The following SLC24A3 variants were observed in gnomAD, a reference collection of about 807,000 sequenced individuals.
SLC24A3 encodes sodium/potassium/calcium exchanger 3.
A neutral mutation model predicts 75.8 loss-of-function variants in SLC24A3; 28 were observed. The observed-to-expected ratio is 0.37, with a 90% CI of 0.27 to 0.51. The LOEUF is 0.51. Ranked by LOEUF, SLC24A3 falls within the 20% of genes least tolerant of loss-of-function variation. SLC24A3 has a pLI of 0.94. For missense variants in SLC24A3, 663 were observed against 847.8 expected (o/e 0.78, Z 2.71); for synonymous variants, 372 against 334.1 (o/e 1.11, Z -1.24).
chr20:19,688,777 G>T (rs1422752209), intron 12 of SLC24A3, among the ~76,000 whole-genome samples: 2 of 152,194 alleles, frequency 1.3e-5, no homozygotes, highest in African/African-American at 4.8e-5. Context: ...AATTATTTAG[G>T]AGTATGTGAA....
At chr20:19,505,863 G>A (rs1988455396) in intron 2 of SLC24A3, among the ~76,000 whole-genome samples, 1 of 152,188 alleles carries the variant, frequency 6.6e-6, no homozygotes, top group Admixed American at 6.5e-5. Flanking sequence ...TAGTACAAAA[G>A]ACATAGGGCC....
chr20:19,478,629 G>A (rs996882868), intron 2 of SLC24A3, among the ~76,000 whole-genome samples: 1 of 152,156 alleles, frequency 6.6e-6, no homozygotes, highest in South Asian at 2.1e-4. Flanking sequence ...CCTTTTGGGG[G>A]AAGGGTGAGC....
intron 2 of SLC24A3, among the ~76,000 whole-genome samples, chr20:19,463,861 C>T (rs769254606): frequency 6.6e-6 from 1 of 152,218 alleles, no homozygotes; most frequent in Non-Finnish European, 1.5e-5. Context: ...CTCTCCTTGT[C>T]ACCTACAGGG....
intron 13 of SLC24A3, 51 bp from the exon 14 acceptor site, chr20:19,696,746 G>C (rs769019119): frequency 2.3e-6 from 3 of 1,289,308 alleles, no homozygotes; most frequent in Admixed American, 1.7e-5. Context: ...ATCATGGGCA[G>C]GTGGGGCTTG....
At chr20:19,422,536 GT>G (rs1287864145) in intron 2 of SLC24A3, among the ~76,000 whole-genome samples, 8 of 152,156 alleles carry the variant, frequency 5.3e-5, no homozygotes, top group Non-Finnish European at 8.8e-5. Context: ...ATCTTCTGTA[GT>G]TTTGTTGAAA....
At chr20:19,357,763 G>T (rs1190037699) in intron 2 of SLC24A3, among the ~76,000 whole-genome samples, 1 of 152,218 alleles carries the variant, frequency 6.6e-6, no homozygotes, top group Non-Finnish European at 1.5e-5. Flanking sequence ...CTTGCCTCTT[G>T]GGTGAGAGAC....
At chr20:19,593,708 A>G (rs937701733) in intron 6 of SLC24A3, among the ~76,000 whole-genome samples, 1 of 152,204 alleles carries the variant, frequency 6.6e-6, no homozygotes, top group African/African-American at 2.4e-5. Flanking sequence ...TCCCAGAGTC[A>G]GCTTAGACCA....
intron 2 of SLC24A3, among the ~76,000 whole-genome samples, chr20:19,295,917 G>A (rs151034031): frequency 0.02 from 3,061 of 152,198 alleles, 42 homozygotes; most frequent in African/African-American, 0.031. Context: ...GTTTGGAATA[G>A]TTTCAGAAGA....
At chr20:19,346,216 G>GTA (rs373651313) in intron 2 of SLC24A3, among the ~76,000 whole-genome samples, 2 of 81,998 alleles carry the variant, frequency 2.4e-5, no homozygotes, top group East Asian at 3.0e-4. Context: ...TATATATGGT[G>GTA]TATATGTATA....
chr20:19,593,575 A>G (rs1367337697), intron 6 of SLC24A3, among the ~76,000 whole-genome samples: 1 of 152,238 alleles, frequency 6.6e-6, no homozygotes, highest in Admixed American at 6.5e-5. Context: ...AGAGGAAACC[A>G]AGGCTCAGAG....
At chr20:19,271,377 A>C (rs1316911713) in intron 1 of SLC24A3, among the ~76,000 whole-genome samples, 1 of 152,218 alleles carries the variant, frequency 6.6e-6, no homozygotes, top group Non-Finnish European at 1.5e-5. Flanking sequence ...GAACACTTCT[A>C]CACTGCTGGT....
chr20:19,472,063 G>T (rs1409019607), intron 2 of SLC24A3, among the ~76,000 whole-genome samples: 1 of 152,150 alleles, frequency 6.6e-6, no homozygotes, highest in African/African-American at 2.4e-5. Flanking sequence ...AATTCCTGTT[G>T]TGTAGAGCAG....
intron 2 of SLC24A3, among the ~76,000 whole-genome samples, chr20:19,485,541 G>A (rs1260223153): frequency 6.6e-6 from 1 of 152,198 alleles, no homozygotes; most frequent in East Asian, 1.9e-4. Context: ...GGCGACTGGG[G>A]ACTTCATTCC....
Position 19,510,215 on chromosome 20 carries a change from A to C in SLC24A3, c.272-5273A>C, listed in dbSNP as rs567407587. The stretch of plus-strand genomic sequence containing the variant: ...ATGCCCTTTGCAAATGAATCAAAGA[A>C]GCTTCTAACATGGTGGAACAGGATA... On this transcript the variant is annotated intron_variant, in intron 2 of 16. Transcript: ENST00000328041. Among the ~76,000 whole-genome samples, 9 of 152,336 alleles carry C rather than the reference A, an allele frequency of 5.9e-5. No individual in the cohort carries two copies. The South Asian group carries it at 1.9e-3, about 32-fold the overall frequency.
At chr20:19,372,379 C>T (rs1986007764) in intron 2 of SLC24A3, among the ~76,000 whole-genome samples, 1 of 152,214 alleles carries the variant, frequency 6.6e-6, no homozygotes, top group East Asian at 1.9e-4. Flanking sequence ...ACATCCACAG[C>T]TCACTGATGC....
chr20:19,436,971 G>A (rs904323740), intron 2 of SLC24A3, among the ~76,000 whole-genome samples: 4 of 152,206 alleles, frequency 2.6e-5, no homozygotes, highest in East Asian at 3.9e-4. Flanking sequence ...GTGTACCCAC[G>A]AAAAGAGAGA....
chr20:19,280,909 G>A (rs1289702860), intron 1 of SLC24A3, 50 bp from the exon 2 acceptor site: 1 of 1,596,636 alleles, frequency 6.3e-7, no homozygotes, highest in Admixed American at 1.7e-5. Context: ...GTCGGCAGAG[G>A]CTGAAACCCA....
intron 2 of SLC24A3, among the ~76,000 whole-genome samples, chr20:19,288,235 A>G (rs915421567): frequency 6.6e-6 from 1 of 152,218 alleles, no homozygotes; most frequent in Non-Finnish European, 1.5e-5. Flanking sequence ...CTTCTGACTA[A>G]TAAGTTTCTG....
chr20:19,401,991 A>G (rs1986559723), intron 2 of SLC24A3, among the ~76,000 whole-genome samples: 1 of 152,186 alleles, frequency 6.6e-6, no homozygotes, highest in Non-Finnish European at 1.5e-5. Flanking sequence ...CACATCCCCA[A>G]AATCATTGCT....
Sources: allele counts gnomAD v4.1 joint callset (sites outside exome capture counted in the v4.1 genomes callset), GRCh38; gene constraint gnomAD v4.1.1; transcripts MANE v1.5; gene names NCBI Gene and HGNC (gene_info 2026-07-23, HGNC 2026-07-21).